The following MIPEP variants were observed in gnomAD, a reference collection of about 807,000 sequenced individuals.
MIPEP encodes mitochondrial intermediate peptidase.
Under a neutral mutation model 90.3 loss-of-function variants are expected in MIPEP, and 79 were observed. The ratio of observed to expected loss-of-function variants is 0.87; its 90% CI spans 0.73 to 1.05. MIPEP has a LOEUF of 1.05. MIPEP is among the 50% of genes least tolerant of loss of function. The pLI is 0.00. For missense variants in MIPEP, 940 were observed against 905.6 expected (o/e 1.04, Z -0.49); for synonymous variants, 334 against 315.8 (o/e 1.06, Z -0.61).
intron 7 of MIPEP, among the ~76,000 whole-genome samples, chr13:23,867,829 T>A (rs1050846377): frequency 1.3e-5 from 2 of 152,120 alleles, no homozygotes; most frequent in Non-Finnish European, 2.9e-5. Context: ...TAACCTTAGA[T>A]TCCTTATCTG....
chr13:23,800,791 C>G (rs1190990991), intron 16 of MIPEP, among the ~76,000 whole-genome samples: 1 of 152,100 alleles, frequency 6.6e-6, no homozygotes, highest in Admixed American at 6.5e-5. Context: ...AGAAATTATC[C>G]ATGAAGACTT....
At chr13:23,800,140 C>T (rs1953017361) in intron 16 of MIPEP, among the ~76,000 whole-genome samples, 1 of 152,192 alleles carries the variant, frequency 6.6e-6, no homozygotes, top group Non-Finnish European at 1.5e-5. Context: ...AACTGCTTAA[C>T]AGATCTTCAA....
At chr13:23,863,730 T>C (rs967251822) in intron 8 of MIPEP, among the ~76,000 whole-genome samples, 6 of 152,144 alleles carry the variant, frequency 3.9e-5, no homozygotes, top group Non-Finnish European at 5.9e-5. Context: ...AATGTTGAGA[T>C]AGAACATCCT....
chr13:23,817,394 C>T (rs1953252827), intron 14 of MIPEP, among the ~76,000 whole-genome samples: 1 of 152,006 alleles, frequency 6.6e-6, no homozygotes, highest in African/African-American at 2.4e-5. Context: ...AGTGAGAATC[C>T]CCCTTTCCTC....
At chr13:23,756,344 AG>A in intron 18 of MIPEP, 200 bp downstream of exon 18, 1 of 503,446 alleles carries the variant, frequency 2.0e-6, no homozygotes, top group Non-Finnish European at 3.6e-6. Flanking sequence ...TAGTAGAGAC[AG>A]GGTTTCACCA....
intron 16 of MIPEP, among the ~76,000 whole-genome samples, chr13:23,793,952 A>G (rs777378923): frequency 6.6e-6 from 1 of 152,114 alleles, no homozygotes; most frequent in African/African-American, 2.4e-5. Flanking sequence ...GCTTAAGATC[A>G]ATGGAAGCCA....
rs1204995044 is a variant in MIPEP, at chr13:23,731,091, C to A, written c.2045-646G>T. Reference sequence around the variant, plus strand: ...CATATATTAAGAATTCAATAAAAAGCTGAATTCATGTCCTTTCTTCACTCT... The same window carrying A: ...CATATATTAAGAATTCAATAAAAAGATGAATTCATGTCCTTTCTTCACTCT... On this transcript the variant is annotated intron_variant, in intron 18 of 18. Transcript: ENST00000382172. Among the ~76,000 whole-genome samples, 4 of 152,182 alleles carry A rather than the reference C, an allele frequency of 2.6e-5. No individual in the cohort carries two copies. In the East Asian group the frequency reaches 5.8e-4, roughly 22 times the overall value.
intron 18 of MIPEP, among the ~76,000 whole-genome samples, chr13:23,748,514 G>A (rs1345529746): frequency 1.3e-5 from 2 of 152,230 alleles, no homozygotes; most frequent in East Asian, 3.9e-4. Flanking sequence ...CTGACTACAG[G>A]GGAAACGAAG....
chr13:23,762,579 G>C (rs1952558797), intron 16 of MIPEP, among the ~76,000 whole-genome samples: 1 of 152,216 alleles, frequency 6.6e-6, no homozygotes, highest in Non-Finnish European at 1.5e-5. Context: ...TCTGTAAGAA[G>C]ATATGATTGG....
intron 10 of MIPEP, chr13:23,842,185 A>C (rs1869325697): frequency 6.6e-6 from 1 of 152,222 alleles, no homozygotes; most frequent in African/African-American, 2.4e-5. Flanking sequence ...ATATAGCCAT[A>C]GCCAAAAATA....
At chr13:23,849,913 T>C (rs1439579222) in intron 10 of MIPEP, among the ~76,000 whole-genome samples, 2 of 152,278 alleles carry the variant, frequency 1.3e-5, no homozygotes, top group East Asian at 1.9e-4. Flanking sequence ...CCAAACACCA[T>C]GGCCTCAAAC....
intron 4 of MIPEP, among the ~76,000 whole-genome samples, chr13:23,877,460 A>G (rs1871114742): frequency 6.6e-6 from 1 of 152,174 alleles, no homozygotes; most frequent in Non-Finnish European, 1.5e-5. Flanking sequence ...TGCATACATG[A>G]AAGCTCTTAA....
At position 23,869,431 on chromosome 13, in the gene MIPEP, A is replaced by G. The variant is rs144652846; in HGVS notation, c.804T>C (p.Tyr268=). Residue 268 remains tyrosine (Y), a synonymous_variant, in exon 7 of 19, where the codon TAT becomes TAC. Coordinates refer to ENST00000382172, the MANE Select transcript of MIPEP (RefSeq NM_005932.4). Reference sequence around the variant, plus strand: ...CAGCATTGGGATAAAGAAAAATTTTATAAGCAGCTTCTCGCACCTACGTTT... The same window carrying G: ...CAGCATTGGGATAAAGAAAAATTTTGTAAGCAGCTTCTCGCACCTACGTTT... ...SPDDLVREAA[Y]KIFLYPNAGQ... 2.2e-3 allele frequency: 3,482 copies of G among 1,606,924 alleles called. 6 individuals are homozygous for G. Among genetic ancestry groups the G allele is most frequent in the Middle Eastern group, 0.011 (67 of 6,020 alleles).
chr13:23,754,619 A>G (rs1952473061), intron 18 of MIPEP, among the ~76,000 whole-genome samples: 1 of 152,224 alleles, frequency 6.6e-6, no homozygotes, highest in African/African-American at 2.4e-5. Context: ...AAAGCACACC[A>G]GCCAAAAGAT....
chr13:23,792,091 TG>T (rs1565995384), intron 16 of MIPEP, among the ~76,000 whole-genome samples: 1 of 152,172 alleles, frequency 6.6e-6, no homozygotes, highest in African/African-American at 2.4e-5. Flanking sequence ...CCTTTTTTTT[TG>T]GTTCCTCCTC....
In MIPEP at chr13:23,886,400, G is replaced by T. The variant is rs149321835; in HGVS notation, c.296C>A (p.Pro99Gln). The T allele has an allele frequency of 6.2e-7, 1 of 1,607,692 alleles. No homozygotes were observed. Among genetic ancestry groups the T allele is most frequent in the South Asian group, 1.1e-5 (1 of 90,290 alleles). Residue 99 changes from proline to glutamine, a missense_variant, in exon 2 of 19, where the codon CCA becomes CAA. Coordinates refer to ENST00000382172, the MANE Select transcript of MIPEP (RefSeq NM_005932.4). ...GATCAGCACGGTCTGGGGCCCAGGT[G>T]GGGTGGAACATGCACGGTCCACAAG... Reference protein sequence around the residue: ...ELLVDRACSTPPGPQTVLIFD... With the variant: ...ELLVDRACSTQPGPQTVLIFD...
At chr13:23,839,331 G>A (rs1289973402) in intron 12 of MIPEP, among the ~76,000 whole-genome samples, 1 of 152,138 alleles carries the variant, frequency 6.6e-6, no homozygotes, top group Non-Finnish European at 1.5e-5. Flanking sequence ...AAAGGGTGAG[G>A]CGAACATTAA....
chr13:23,852,682 T>C (rs759992314), intron 10 of MIPEP, among the ~76,000 whole-genome samples: 6 of 152,244 alleles, frequency 3.9e-5, no homozygotes, highest in Non-Finnish European at 8.8e-5. Context: ...CTGATTCATG[T>C]ATTAACTACA....
At chr13:23,784,928 AC>A (rs1424769978) in intron 16 of MIPEP, among the ~76,000 whole-genome samples, 8 of 152,202 alleles carry the variant, frequency 5.3e-5, no homozygotes, top group Admixed American at 2.0e-4. Flanking sequence ...GCACATCAAA[AC>A]CACAGTGAGA....
Sources: allele counts gnomAD v4.1 joint callset (sites outside exome capture counted in the v4.1 genomes callset), GRCh38; gene constraint gnomAD v4.1.1; transcripts MANE v1.5; gene names NCBI Gene and HGNC (gene_info 2026-07-23, HGNC 2026-07-21).